Variants in SYT1 observed in about 807,000 individuals in gnomAD.
The protein encoded by SYT1 is synaptotagmin 1.
Under a neutral mutation model 44.8 loss-of-function variants are expected in SYT1, and 8 were observed. That is an observed-to-expected ratio of 0.18 (90% confidence interval 0.10 to 0.32). The LOEUF is 0.32. Among genes scored for constraint, SYT1 ranks in the 10% least tolerant of loss-of-function variants. The pLI, the probability that SYT1 is intolerant of heterozygous loss-of-function variation, is 1.00. For missense variants in SYT1, 286 were observed against 509.3 expected (o/e 0.56, Z 4.22); for synonymous variants, 154 against 188.8 (o/e 0.82, Z 1.51).
At chr12:78,949,102 T>C (rs534326646) in intron 1 of SYT1, among the ~76,000 whole-genome samples, 2 of 151,628 alleles carry the variant, frequency 1.3e-5, no homozygotes, top group East Asian at 3.9e-4. Flanking sequence ...TGATTGGCTA[T>C]AGGACTTCTC....
chr12:78,913,371 T>C (rs1360223382), intron 1 of SYT1, among the ~76,000 whole-genome samples: 1 of 151,286 alleles, frequency 6.6e-6, no homozygotes, highest in African/African-American at 2.4e-5. Flanking sequence ...TTGAAAAAAT[T>C]CTATTTCTTC....
At chr12:79,049,972 A>G (rs1874352072) in intron 3 of SYT1, among the ~76,000 whole-genome samples, 1 of 152,048 alleles carries the variant, frequency 6.6e-6, no homozygotes, top group South Asian at 2.1e-4. Context: ...GAATAGAAAA[A>G]TAAAAGACCA....
chr12:79,187,673 G>A (rs1360908359), intron 3 of SYT1, among the ~76,000 whole-genome samples: 1 of 152,094 alleles, frequency 6.6e-6, no homozygotes, highest in Non-Finnish European at 1.5e-5. Flanking sequence ...AGGAGCCCTA[G>A]AAATAGCTTT....
At chr12:79,168,562 A>G (rs1180334170) in intron 3 of SYT1, among the ~76,000 whole-genome samples, 1 of 152,046 alleles carries the variant, frequency 6.6e-6, no homozygotes, top group South Asian at 2.1e-4. Flanking sequence ...AATTTTTCTG[A>G]TATAGTCACT....
chr12:79,313,280 C>T (rs1243230713), intron 8 of SYT1, among the ~76,000 whole-genome samples: 3 of 152,166 alleles, frequency 2.0e-5, no homozygotes, highest in South Asian at 2.1e-4. Context: ...CTTTCTAATT[C>T]TATTGAAACA....
intron 3 of SYT1, among the ~76,000 whole-genome samples, chr12:79,196,851 T>C (rs957699159): frequency 4.6e-5 from 7 of 152,198 alleles, no homozygotes; most frequent in Admixed American, 3.9e-4. Context: ...TTAAGAGCAT[T>C]AAAGATCAGT....
At chr12:79,375,300 G>A (rs147858312) in intron 9 of SYT1, among the ~76,000 whole-genome samples, 66 of 152,192 alleles carry the variant, frequency 4.3e-4, no homozygotes, top group Admixed American at 2.6e-3. Context: ...ACCAAGAACC[G>A]GGTTGAGGGA....
intron 4 of SYT1, among the ~76,000 whole-genome samples, chr12:79,220,814 T>C (rs2138576166): frequency 6.6e-6 from 1 of 152,326 alleles, no homozygotes; most frequent in East Asian, 1.9e-4. Flanking sequence ...GTTTTAATCT[T>C]CTTAAGTTTA....
At chr12:78,967,987 G>A (rs1348090626) in intron 1 of SYT1, among the ~76,000 whole-genome samples, 2 of 152,090 alleles carry the variant, frequency 1.3e-5, no homozygotes, top group African/African-American at 4.8e-5. Context: ...CGAGGTATGG[G>A]ATTTGACAAC....
At chr12:79,383,265 C>T (rs991727986) in intron 9 of SYT1, among the ~76,000 whole-genome samples, 7 of 152,086 alleles carry the variant, frequency 4.6e-5, no homozygotes, top group African/African-American at 1.4e-4. Flanking sequence ...TATTATTGTA[C>T]TGAATATTGT....
chr12:79,056,370 G>T (rs1156609357), intron 3 of SYT1, among the ~76,000 whole-genome samples: 1 of 151,982 alleles, frequency 6.6e-6, no homozygotes, highest in Non-Finnish European at 1.5e-5. Context: ...CTCCTTGAAG[G>T]CCTCTTCCTT....
intron 9 of SYT1, among the ~76,000 whole-genome samples, chr12:79,368,736 G>T (rs1383024357): frequency 2.0e-5 from 3 of 151,646 alleles, no homozygotes; most frequent in Non-Finnish European, 4.4e-5. Context: ...CCCACTTTTT[G>T]ATGGGGTTGT....
At chr12:78,867,096 C>T (rs1873585716) in intron 1 of SYT1, among the ~76,000 whole-genome samples, 1 of 150,584 alleles carries the variant, frequency 6.6e-6, no homozygotes, top group African/African-American at 2.4e-5. Flanking sequence ...TGAAAGCTAA[C>T]TCTGGTTTTT....
intron 5 of SYT1, among the ~76,000 whole-genome samples, chr12:79,289,896 T>G (rs1879493328): frequency 1.3e-5 from 2 of 151,966 alleles, no homozygotes; most frequent in South Asian, 4.2e-4. Context: ...AGTAGTTTTT[T>G]TTTTTTTTTT....
chr12:78,923,990 A>C (rs1877157856), intron 1 of SYT1, among the ~76,000 whole-genome samples: 1 of 151,874 alleles, frequency 6.6e-6, no homozygotes, highest in Non-Finnish European at 1.5e-5. Context: ...CTTTATTCTG[A>C]AACAATTCCT....
chr12:78,874,866 G>A (rs1873986093), intron 1 of SYT1, among the ~76,000 whole-genome samples: 1 of 151,556 alleles, frequency 6.6e-6, no homozygotes, highest in Admixed American at 6.6e-5. Context: ...TGAGTTGATT[G>A]TTATTTAATT....
chr12:79,024,363 T>C (rs536132144), intron 2 of SYT1, among the ~76,000 whole-genome samples: 1 of 151,868 alleles, frequency 6.6e-6, no homozygotes, highest in African/African-American at 2.4e-5. Context: ...GAACCCAGGG[T>C]TGTGCTGCTT....
intron 3 of SYT1, among the ~76,000 whole-genome samples, chr12:79,185,850 TGAGAGATA>T (rs1485433874): frequency 2.7e-4 from 38 of 140,228 alleles, no homozygotes; most frequent in African/African-American, 9.9e-4. Flanking sequence ...CATTAGAAAA[TGAGAGATA>T]CTCTCCATTT....
At chr12:79,333,494 A>G (rs1881949472) in intron 8 of SYT1, among the ~76,000 whole-genome samples, 1 of 152,200 alleles carries the variant, frequency 6.6e-6, no homozygotes, top group Admixed American at 6.5e-5. Flanking sequence ...AAATTCAGAT[A>G]TTCCACCTCA....
Sources: allele counts gnomAD v4.1 joint callset (sites outside exome capture counted in the v4.1 genomes callset), GRCh38; gene constraint gnomAD v4.1.1; transcripts MANE v1.5; gene names NCBI Gene and HGNC (gene_info 2026-07-23, HGNC 2026-07-21).